SLC25A48: variants seen among roughly 807,000 people sequenced by gnomAD.
The protein encoded by SLC25A48 is CTC-321K16.1.
A neutral mutation model predicts 32.2 loss-of-function variants in SLC25A48; 29 were observed. The ratio of observed to expected loss-of-function variants is 0.90; its 90% CI spans 0.67 to 1.23. The LOEUF (loss-of-function observed/expected upper bound fraction) is 1.23. Among genes scored for constraint, SLC25A48 ranks in the 50% most tolerant of loss-of-function variants. The probability of loss-of-function intolerance (pLI) is 0.00; values close to 1 mark genes in which losing one functional copy is unlikely to be tolerated. For missense variants in SLC25A48, 399 were observed against 422.7 expected, an observed-to-expected ratio of 0.94 and a Z score of 0.49; for synonymous variants, 164 against 172.3, an observed-to-expected ratio of 0.95 and a Z score of 0.38.
chr5:135,746,575 G>A (rs977903147), intron 3 of SLC25A48, among the ~76,000 whole-genome samples: 37 of 152,194 alleles, frequency 2.4e-4, no homozygotes, highest in African/African-American at 8.7e-4. Context: ...GTGGGCACGC[G>A]TGAACCTTGG....
chr5:135,750,114 C>G (rs975327100), intron 3 of SLC25A48, among the ~76,000 whole-genome samples: 5 of 152,190 alleles, frequency 3.3e-5, no homozygotes, highest in African/African-American at 1.2e-4. Flanking sequence ...AAATAAATGT[C>G]TGCAACTTTT....
rs187638065 is a variant in SLC25A48, at chr5:135,752,054, C to T, written c.-520-60469C>T. Among the ~76,000 whole-genome samples, 331 of 152,050 alleles carry T rather than the reference C, an allele frequency of 2.2e-3. 2 individuals are homozygous for T. The highest frequency in any genetic ancestry group is 7.9e-3 in the African/African-American group (326 of 41,486). ...CCAAATGGATCAGAGACCTAAATGT[C>T]GAGTCTAAAACTATAACATGTCCAG... On this transcript the variant is annotated intron_variant, in intron 3 of 10. Coordinates refer to the SLC25A48 transcript ENST00000646290.
chr5:135,669,756 A>G (rs1455114327), intron 3 of SLC25A48, among the ~76,000 whole-genome samples: 2 of 152,222 alleles, frequency 1.3e-5, no homozygotes, highest in Non-Finnish European at 2.9e-5. Flanking sequence ...CCTCATGCAC[A>G]GAGGTGAGTG....
At chr5:135,749,702 C>A (rs1023510094) in intron 3 of SLC25A48, among the ~76,000 whole-genome samples, 44 of 152,238 alleles carry the variant, frequency 2.9e-4, no homozygotes, top group Middle Eastern at 3.4e-3. Flanking sequence ...AGCGATTCTC[C>A]TGTCTCAGCT....
chr5:135,591,603 T>C (rs970238019), intron 1 of SLC25A48, among the ~76,000 whole-genome samples: 5 of 152,198 alleles, frequency 3.3e-5, no homozygotes, highest in Admixed American at 1.3e-4. Flanking sequence ...GCAGCTCCCA[T>C]TGCTTTTCCT....
At chr5:135,857,803 G>T (rs950261083) in intron 4 of SLC25A48, among the ~76,000 whole-genome samples, 4 of 152,126 alleles carry the variant, frequency 2.6e-5, no homozygotes, top group African/African-American at 4.8e-5. Context: ...AGTGCTGAGG[G>T]CCACTCAGGT....
chr5:135,855,675 A>C (rs1432390593), intron 4 of SLC25A48, among the ~76,000 whole-genome samples: 1 of 152,242 alleles, frequency 6.6e-6, no homozygotes, highest in Non-Finnish European at 1.5e-5. Context: ...CAAAGCACTA[A>C]GCCAAGCATG....
intron 3 of SLC25A48, among the ~76,000 whole-genome samples, chr5:135,805,027 A>G (rs903697059): frequency 6.6e-6 from 1 of 151,510 alleles, no homozygotes; most frequent in Non-Finnish European, 1.5e-5. Flanking sequence ...ACCCTGAAAT[A>G]TTATTCATAG....
In SLC25A48 at chr5:135,855,463, G is replaced by T. The variant is rs1760235831; in HGVS notation, c.421+2642G>T. Among the ~76,000 whole-genome samples, 3 of 152,144 alleles carry T rather than the reference G, an allele frequency of 2.0e-5. No homozygotes were observed. The South Asian group carries it at 6.2e-4, about 32-fold the overall frequency. Reference sequence around the variant, plus strand: ...GTAACAATTCTGTGAGGCAGATGCTGCTATCTCCATTTTACAGATGAGAAA... The same window carrying T: ...GTAACAATTCTGTGAGGCAGATGCTTCTATCTCCATTTTACAGATGAGAAA... On this transcript the variant is annotated intron_variant, in intron 4 of 7. Transcript: ENST00000681962.
chr5:135,748,415 G>A (rs1426341185), intron 3 of SLC25A48, among the ~76,000 whole-genome samples: 1 of 151,702 alleles, frequency 6.6e-6, no homozygotes, highest in Non-Finnish European at 1.5e-5. Context: ...CTGGGACTCA[G>A]GTGCCTGCCA....
intron 3 of SLC25A48, among the ~76,000 whole-genome samples, chr5:135,712,420 T>G (rs962341090): frequency 6.6e-6 from 1 of 152,162 alleles, no homozygotes; most frequent in Non-Finnish European, 1.5e-5. Flanking sequence ...TCTGGTGACT[T>G]CCTTGGGCCC....
intron 3 of SLC25A48, among the ~76,000 whole-genome samples, chr5:135,646,249 A>C (rs1485831843): frequency 8.2e-6 from 1 of 122,448 alleles, no homozygotes; most frequent in Non-Finnish European, 1.9e-5. Flanking sequence ...ACGGAGGAAG[A>C]GCCCTCTCCG....
chr5:135,886,384 G>C (rs1252134026), intron 7 of SLC25A48, among the ~76,000 whole-genome samples: 3 of 146,452 alleles, frequency 2.0e-5, no homozygotes, highest in African/African-American at 7.6e-5. Context: ...GAGCACCTGG[G>C]CTGCAATGAA....
rs1186740589 is a variant in SLC25A48, at chr5:135,783,606, T to C, written c.-520-28917T>C. 5.1e-5 allele frequency among the ~76,000 whole-genome samples: 6 copies of C among 117,844 alleles called. 1 individual carries two copies. Among genetic ancestry groups the C allele is most frequent in the African/African-American group, 1.5e-4 (6 of 38,768 alleles). 77.3% of individuals were successfully genotyped at this position (117,844 alleles called of 152,430 possible). On this transcript the variant is annotated intron_variant, in intron 3 of 10. Coordinates refer to the SLC25A48 transcript ENST00000646290. ...ATATCCAGTGGGGGAGAGGATAATA[T>C]TAATCCCAATATCAAATGGGTTGTA... is the stretch of plus-strand genomic sequence containing the variant.
At chr5:135,886,403 G>A (rs865821473) in intron 7 of SLC25A48, among the ~76,000 whole-genome samples, 1 of 148,332 alleles carries the variant, frequency 6.7e-6, no homozygotes, top group Non-Finnish European at 1.5e-5. Flanking sequence ...AATGAAACTC[G>A]GCTTTATTGA....
intron 1 of SLC25A48, among the ~76,000 whole-genome samples, chr5:135,611,626 C>T (rs1185009238): frequency 6.7e-6 from 1 of 148,518 alleles, no homozygotes. Context: ...GCATGAGAAT[C>T]GTTTGCACCT....
chr5:135,751,275 G>A (rs1479919187), intron 3 of SLC25A48, among the ~76,000 whole-genome samples: 3 of 152,168 alleles, frequency 2.0e-5, no homozygotes, highest in Admixed American at 6.5e-5. Flanking sequence ...TGTTTCAGCC[G>A]GGATATGCTA....
At chr5:135,592,743 G>C (rs1413977899) in intron 1 of SLC25A48, among the ~76,000 whole-genome samples, 1 of 152,154 alleles carries the variant, frequency 6.6e-6, no homozygotes, top group Non-Finnish European at 1.5e-5. Context: ...CTGAGAGGCA[G>C]CAAGGTAAAG....
At chr5:135,727,283 A>G (rs998372606) in intron 3 of SLC25A48, among the ~76,000 whole-genome samples, 4 of 137,600 alleles carry the variant, frequency 2.9e-5, no homozygotes, top group Non-Finnish European at 4.8e-5. Flanking sequence ...ATATATATGT[A>G]TGTACACACA....
Sources: gnomAD v4.1 joint callset for allele counts (sites outside exome capture counted in the v4.1 genomes callset) on GRCh38, gnomAD v4.1.1 for gene constraint, MANE v1.5 for transcripts, NCBI Gene and HGNC (gene_info 2026-07-23, HGNC 2026-07-21) for gene names.